The following PLD5 variants were observed in gnomAD, a reference collection of about 807,000 sequenced individuals.
The protein encoded by PLD5 is phospholipase D family member 5, also known as inactive phospholipase D5.
Under a neutral mutation model 61.1 loss-of-function variants are expected in PLD5, and 36 were observed. The observed-to-expected ratio is 0.59, with a 90% CI of 0.45 to 0.78. The LOEUF is 0.78. PLD5 is among the 30% of genes least tolerant of loss of function. The pLI, the probability that PLD5 is intolerant of heterozygous loss-of-function variation, is 0.00. For missense variants in PLD5, 515 were observed against 644.4 expected (o/e 0.80, Z 2.17); for synonymous variants, 243 against 242.8 (o/e 1.00, Z -0.01).
chr1:242,412,325 T>C (rs1435543997), intron 1 of PLD5, among the ~76,000 whole-genome samples: 5 of 152,144 alleles, frequency 3.3e-5, no homozygotes, highest in Admixed American at 6.5e-5. Flanking sequence ...GTCCATTCAG[T>C]TGGGGGCTTA....
At chr1:242,207,386 T>C (rs1042080149) in intron 5 of PLD5, among the ~76,000 whole-genome samples, 1 of 152,130 alleles carries the variant, frequency 6.6e-6, no homozygotes, top group African/African-American at 2.4e-5. Flanking sequence ...TCTTCGGTAG[T>C]TCCCCCTTGG....
rs146394217 is a variant in PLD5 at position 242,318,381 on chromosome 1, C to T, written c.326+29725G>A. Reference sequence around the variant, plus strand: ...TTTTTCCGACTCCTCTGCTGTCACACCTGCCAAACGCTGCCAGTGGGCACT... The same window carrying T: ...TTTTTCCGACTCCTCTGCTGTCACATCTGCCAAACGCTGCCAGTGGGCACT... On this transcript the variant is annotated intron_variant, in intron 2 of 9. Coordinates refer to ENST00000536534, the MANE Select transcript of PLD5 (RefSeq NM_001372062.1). Among the ~76,000 whole-genome samples the T allele has an allele frequency of 9.2e-3, 1,400 of 152,296 alleles. 8 individuals carry two copies. Among genetic ancestry groups the T allele is most frequent in the Non-Finnish European group, 0.015 (1,038 of 68,026 alleles).
chr1:242,204,433 C>G (rs933420689), intron 5 of PLD5, among the ~76,000 whole-genome samples: 1 of 152,150 alleles, frequency 6.6e-6, no homozygotes, highest in Non-Finnish European at 1.5e-5. Flanking sequence ...TTGACCGGGA[C>G]AGTAACCAAG....
chr1:242,179,358 C>T (rs940952088), intron 5 of PLD5, among the ~76,000 whole-genome samples: 2 of 152,092 alleles, frequency 1.3e-5, no homozygotes, highest in Admixed American at 6.6e-5. Context: ...AAATAAATTC[C>T]AAAAGCTCTG....
chr1:242,288,626 T>G (rs1675170017), intron 2 of PLD5, 96 bp from the exon 3 acceptor site: 1 of 1,449,380 alleles, frequency 6.9e-7, no homozygotes, highest in African/African-American at 1.4e-5. Context: ...TAAAAAATAT[T>G]CTTTACTCAT....
At chr1:242,145,368 T>G (rs1196776185) in intron 5 of PLD5, among the ~76,000 whole-genome samples, 7 of 152,212 alleles carry the variant, frequency 4.6e-5, no homozygotes, top group Admixed American at 4.6e-4. Flanking sequence ...TATATGTCCC[T>G]CATTGAGGAC....
chr1:242,186,059 G>A (rs752735650), intron 5 of PLD5, among the ~76,000 whole-genome samples: 8 of 151,870 alleles, frequency 5.3e-5, no homozygotes, highest in Non-Finnish European at 8.8e-5. Flanking sequence ...ATCCCATGAC[G>A]GATCATTCAA....
chr1:242,252,510 C>T (rs940722468), intron 4 of PLD5, among the ~76,000 whole-genome samples: 6 of 151,978 alleles, frequency 3.9e-5, no homozygotes, highest in Admixed American at 1.3e-4. Context: ...CCCAGGAGTT[C>T]GAGACCAGCC....
At chr1:242,290,701 G>A (rs1436606138) in intron 2 of PLD5, among the ~76,000 whole-genome samples, 1 of 151,982 alleles carries the variant, frequency 6.6e-6, no homozygotes, top group East Asian at 1.9e-4. Flanking sequence ...AAAGAAGCAT[G>A]CAGTGGACAT....
At chr1:242,273,617 A>G (rs1278224954) in intron 3 of PLD5, among the ~76,000 whole-genome samples, 1 of 152,238 alleles carries the variant, frequency 6.6e-6, no homozygotes, top group Admixed American at 6.5e-5. Context: ...AAGATAGTGC[A>G]TCTGAATCTC....
At chr1:242,290,430 G>T (rs1317430716) in intron 2 of PLD5, among the ~76,000 whole-genome samples, 2 of 152,060 alleles carry the variant, frequency 1.3e-5, no homozygotes, top group East Asian at 3.9e-4. Flanking sequence ...GGAAAGTTAC[G>T]GTAGGAGCTT....
chr1:242,393,020 A>T (rs1351906752), intron 1 of PLD5, among the ~76,000 whole-genome samples: 1 of 151,022 alleles, frequency 6.6e-6, no homozygotes, highest in East Asian at 2.0e-4. Context: ...CCTGGCCAAC[A>T]TGGTGAAACC....
At chr1:242,494,883 T>G (rs908384709) in intron 1 of PLD5, among the ~76,000 whole-genome samples, 1 of 150,246 alleles carries the variant, frequency 6.7e-6, no homozygotes, top group Non-Finnish European at 1.5e-5. Flanking sequence ...CTTTTCTGTT[T>G]TTTTTTTTTT....
intron 7 of PLD5, among the ~76,000 whole-genome samples, chr1:242,108,991 C>T (rs951478422): frequency 3.9e-5 from 6 of 152,196 alleles, no homozygotes; most frequent in African/African-American, 1.4e-4. Context: ...TCCTCTTGCT[C>T]TTGGCAAAAA....
At chr1:242,494,878 C>CTTTTTTTTTTTTTTTTTTTTTTTT (rs556893161) in intron 1 of PLD5, among the ~76,000 whole-genome samples, 5 of 135,910 alleles carry the variant, frequency 3.7e-5, no homozygotes, top group East Asian at 2.2e-4. Context: ...TTTTTCTTTT[C>CTTTTTTTTTTTTTTTTTTTTTTTT]TGTTTTTTTT....
At chr1:242,344,204 A>G (rs1255104284) in intron 2 of PLD5, among the ~76,000 whole-genome samples, 1 of 152,234 alleles carries the variant, frequency 6.6e-6, no homozygotes, top group African/African-American at 2.4e-5. Flanking sequence ...AAAAAGTCAA[A>G]TATGACCCTC....
intron 4 of PLD5, among the ~76,000 whole-genome samples, chr1:242,225,845 C>G (rs1177162961): frequency 6.6e-6 from 1 of 152,226 alleles, no homozygotes; most frequent in Non-Finnish European, 1.5e-5. Flanking sequence ...AACACTCATG[C>G]ATACATTTTT....
chr1:242,101,323 C>A (rs544308477), intron 8 of PLD5, among the ~76,000 whole-genome samples: 1 of 149,200 alleles, frequency 6.7e-6, no homozygotes, highest in African/African-American at 2.5e-5. Context: ...AAAAAAAAAT[C>A]ACAACTTCAA....
Position 242,107,855 on chromosome 1 carries a change from C to G in PLD5, c.1071-16G>C. 1 of 1,564,808 alleles carries G rather than the reference C, an allele frequency of 6.4e-7. No individual in the cohort carries two copies. On this transcript the variant is annotated splice_polypyrimidine_tract_variant and intron_variant, in intron 7 of 9. Transcript: ENST00000536534. ...CCAGTAAGTCCTGCAGAAATCATATCCAAATAGAAAAAATAAACTAAGTTA... is the reference window on the plus strand; with the variant it reads ...CCAGTAAGTCCTGCAGAAATCATATGCAAATAGAAAAAATAAACTAAGTTA...
Sources: allele counts gnomAD v4.1 joint callset (sites outside exome capture counted in the v4.1 genomes callset), GRCh38; gene constraint gnomAD v4.1.1; transcripts MANE v1.5; gene names NCBI Gene and HGNC (gene_info 2026-07-23, HGNC 2026-07-21).